The following SAMD5 variants were observed in gnomAD, a reference collection of about 807,000 sequenced individuals.
SAMD5 encodes the protein sterile alpha motif domain containing 5, also known as sterile alpha motif domain-containing protein 5.
SAMD5 carries 13 observed loss-of-function variants against 11.3 expected under a neutral mutation model. That is an observed-to-expected ratio of 1.15 (90% CI 0.75 to 1.83). The LOEUF (loss-of-function observed/expected upper bound fraction) is 1.83, where lower values mean the gene tolerates loss of function less well. Ranked by LOEUF, SAMD5 falls within the 40% of genes most tolerant of loss-of-function variation. SAMD5 has a pLI of 0.00. For missense variants in SAMD5, 255 were observed against 239.1 expected (o/e 1.07, Z -0.44); for synonymous variants, 129 against 111.3 (o/e 1.16, Z -1.00).
intron 1 of SAMD5, among the ~76,000 whole-genome samples, chr6:147,674,865 T>C (rs1790842031): frequency 6.6e-6 from 1 of 152,214 alleles, no homozygotes; most frequent in South Asian, 2.1e-4. Flanking sequence ...TTTTCAGTTC[T>C]CAAGCTAGAT....
chr6:147,643,263 T>A (rs1213583352), intron 1 of SAMD5, among the ~76,000 whole-genome samples: 1 of 152,210 alleles, frequency 6.6e-6, no homozygotes, highest in Non-Finnish European at 1.5e-5. Flanking sequence ...CTTTTTTTTA[T>A]GGGCTTCAGT....
the SAMD5 span, among the ~76,000 whole-genome samples, chr6:147,906,123 G>A: frequency 7.9e-5 from 12 of 152,160 alleles, no homozygotes; most frequent in South Asian, 8.3e-4. Context: ...ATTTGAGAAC[G>A]CTTTTAATGA....
the SAMD5 span, among the ~76,000 whole-genome samples, chr6:147,810,341 C>G: frequency 1.3e-5 from 2 of 152,154 alleles, no homozygotes; most frequent in African/African-American, 4.8e-5. Flanking sequence ...TGTCATGTAT[C>G]TTCCAGAAAG....
intron 1 of SAMD5, among the ~76,000 whole-genome samples, chr6:147,592,691 A>T (rs844576): frequency 0.23 from 35,253 of 151,696 alleles, 4,595 homozygotes; most frequent in African/African-American, 0.33. Flanking sequence ...GATGCTTAGC[A>T]TTTCTATGCC....
the SAMD5 span, among the ~76,000 whole-genome samples, chr6:147,950,740 A>C: frequency 2.0e-5 from 3 of 151,868 alleles, no homozygotes; most frequent in African/African-American, 7.2e-5. Context: ...TCTTCCAGGC[A>C]CTCTTGGAAA....
At chr6:147,610,746 C>G (rs1401442732) in intron 1 of SAMD5, among the ~76,000 whole-genome samples, 1 of 149,600 alleles carries the variant, frequency 6.7e-6, no homozygotes, top group East Asian at 2.1e-4. Context: ...GCAGTGTCTG[C>G]AACCTCATGG....
the SAMD5 span, among the ~76,000 whole-genome samples, chr6:147,952,465 A>G: frequency 6.6e-6 from 1 of 152,254 alleles, no homozygotes; most frequent in Non-Finnish European, 1.5e-5. Context: ...AAATATTTTT[A>G]TGGTAATATT....
chr6:147,800,938 G>A, the SAMD5 span, among the ~76,000 whole-genome samples: 1 of 151,302 alleles, frequency 6.6e-6, no homozygotes, highest in Non-Finnish European at 1.5e-5. Flanking sequence ...TATTGATAAG[G>A]GCATATAAAA....
At chr6:147,612,845 T>A in intron 1 of SAMD5, among the ~76,000 whole-genome samples, 1 of 152,162 alleles carries the variant, frequency 6.6e-6, no homozygotes, top group Non-Finnish European at 1.5e-5. Context: ...GTGACATGAC[T>A]CAGTCTTCCC....
At chr6:147,833,582 T>A in the SAMD5 span, among the ~76,000 whole-genome samples, 9 of 152,350 alleles carry the variant, frequency 5.9e-5, no homozygotes, top group African/African-American at 1.9e-4. Context: ...CAGTATCATT[T>A]TCTAGTGAAT....
chr6:147,839,053 C>A, the SAMD5 span, among the ~76,000 whole-genome samples: 4 of 152,228 alleles, frequency 2.6e-5, no homozygotes, highest in South Asian at 8.3e-4. Flanking sequence ...TCAAATGTTA[C>A]AGTCTCTGAG....
At position 147,734,711 on chromosome 6, in the gene SAMD5, T is replaced by TAAAAAAAAAAA. The variant is rs61482319; in HGVS notation, c.163-2585_163-2575dup. ...CTGGGCGGCAGAGCGAGACTCCATC[T>TAAAAAAAAAAA]AAAAAAAAAAAAAAAAAAAAAAAAA... On this transcript the variant is annotated intron_variant, in intron 1 of 1. Transcript: ENST00000566741. Among the ~76,000 whole-genome samples, 203 of 26,122 alleles carry TAAAAAAAAAAA rather than the reference T, an allele frequency of 7.8e-3. 16 individuals carry two copies. Among genetic ancestry groups the TAAAAAAAAAAA allele is most frequent in the Non-Finnish European group, 0.014 (153 of 10,626 alleles). The allele number at this position is 26,122 out of a possible 152,430, so 17.1% of individuals were successfully genotyped here. A position where few individuals can be genotyped will look rare whatever the true frequency, so the allele number is the denominator to read the frequency against.
At chr6:147,742,410 G>A (rs762552973), downstream of SAMD5, among the ~76,000 whole-genome samples, 4 of 152,224 alleles carry the variant, frequency 2.6e-5, no homozygotes, top group Middle Eastern at 3.4e-3. Flanking sequence ...TAATCTTCGC[G>A]TGACCTGCGT....
chr6:147,706,448 G>A (rs767596110), intron 1 of SAMD5, among the ~76,000 whole-genome samples: 14 of 152,118 alleles, frequency 9.2e-5, no homozygotes, highest in South Asian at 2.1e-4. Context: ...GGCTGCTCTC[G>A]AACTCCTGAC....
At chr6:147,632,073 G>A (rs891435746) in intron 1 of SAMD5, among the ~76,000 whole-genome samples, 3 of 152,190 alleles carry the variant, frequency 2.0e-5, no homozygotes, top group African/African-American at 7.2e-5. Context: ...GTAGGTGGGA[G>A]TGACCGATGA....
At chr6:147,951,361 T>A in the SAMD5 span, among the ~76,000 whole-genome samples, 1 of 152,064 alleles carries the variant, frequency 6.6e-6, no homozygotes, top group Non-Finnish European at 1.5e-5. Flanking sequence ...TTTGTATTTT[T>A]AGTAGAGACT....
the SAMD5 span, among the ~76,000 whole-genome samples, chr6:147,817,584 C>T: frequency 0.15 from 22,403 of 152,174 alleles, 1,781 homozygotes; most frequent in East Asian, 0.33. Context: ...GAAAGACAGA[C>T]GCTTCGCTTT....
chr6:147,682,427 G>A (rs1790953399), intron 1 of SAMD5, among the ~76,000 whole-genome samples: 1 of 152,110 alleles, frequency 6.6e-6, no homozygotes, highest in South Asian at 2.1e-4. Flanking sequence ...TTGGTCCACA[G>A]TTGGTCCAGA....
At chr6:147,612,944 A>T (rs1288755679) in intron 1 of SAMD5, among the ~76,000 whole-genome samples, 1 of 152,124 alleles carries the variant, frequency 6.6e-6, no homozygotes, top group African/African-American at 2.4e-5. Flanking sequence ...CATACCTGTA[A>T]TCCCAGCACT....
Sources: gnomAD v4.1 joint callset for allele counts (sites outside exome capture counted in the v4.1 genomes callset) on GRCh38, gnomAD v4.1.1 for gene constraint, MANE v1.5 for transcripts, NCBI Gene and HGNC (gene_info 2026-07-23, HGNC 2026-07-21) for gene names.